Variants in MAGI1 observed in about 807,000 individuals in gnomAD.
MAGI1 encodes the protein membrane associated guanylate kinase, WW and PDZ domain containing 1.
In MAGI1, 58 loss-of-function variants were observed where a neutral mutation model predicts 139.9. The observed-to-expected ratio is 0.41, with a 90% CI of 0.34 to 0.52. The LOEUF is 0.52. Among genes scored for constraint, MAGI1 ranks in the 20% least tolerant of loss-of-function variants. MAGI1 has a pLI of 0.12. For missense variants in MAGI1, 1,874 were observed against 1,901.6 expected (o/e 0.99, Z 0.27); for synonymous variants, 812 against 737.9 (o/e 1.10, Z -1.63).
intron 1 of MAGI1, among the ~76,000 whole-genome samples, chr3:65,694,921 T>C (rs1029562185): frequency 6.6e-6 from 1 of 152,338 alleles, no homozygotes; most frequent in Admixed American, 6.5e-5. Context: ...TGAATTACTT[T>C]TTTTGTGTGT....
intron 12 of MAGI1, among the ~76,000 whole-genome samples, chr3:65,404,692 T>C (rs1945192378): frequency 6.6e-6 from 1 of 152,190 alleles, no homozygotes; most frequent in Non-Finnish European, 1.5e-5. Flanking sequence ...ACTATTCAGA[T>C]GGATTGAAAA....
intron 1 of MAGI1, among the ~76,000 whole-genome samples, chr3:66,023,881 C>T (rs1253850871): frequency 6.6e-6 from 1 of 152,122 alleles, no homozygotes; most frequent in African/African-American, 2.4e-5. Flanking sequence ...AGTTCTAAGA[C>T]CCGGCAGACC....
chr3:65,831,351 T>G (rs542513679), intron 1 of MAGI1, among the ~76,000 whole-genome samples: 1 of 152,348 alleles, frequency 6.6e-6, no homozygotes, highest in South Asian at 2.1e-4. Context: ...GTTACCTGGA[T>G]GTTTTGCATC....
intron 12 of MAGI1, among the ~76,000 whole-genome samples, chr3:65,420,414 A>G (rs182438902): frequency 6.6e-6 from 1 of 151,674 alleles, no homozygotes; most frequent in Admixed American, 6.6e-5. Context: ...ACACCTGTTC[A>G]CTTTACCTGC....
At chr3:66,037,927 G>A (rs1042523302) in intron 1 of MAGI1, 69 bp downstream of exon 1, 5 of 1,510,908 alleles carry the variant, frequency 3.3e-6, no homozygotes, top group Non-Finnish European at 4.4e-6. Flanking sequence ...AGGAAATCGA[G>A]AATAAGGGGC....
At chr3:65,865,987 T>C (rs2059711230) in intron 1 of MAGI1, among the ~76,000 whole-genome samples, 1 of 152,216 alleles carries the variant, frequency 6.6e-6, no homozygotes, top group Non-Finnish European at 1.5e-5. Flanking sequence ...TGACATGGAA[T>C]GATGTTCATA....
At chr3:65,768,618 C>T (rs560085306) in intron 1 of MAGI1, among the ~76,000 whole-genome samples, 2 of 152,144 alleles carry the variant, frequency 1.3e-5, no homozygotes, top group African/African-American at 4.8e-5. Context: ...GCAAGGCTCA[C>T]ATAATAACAG....
chr3:65,466,193 T>A (rs1950162144), intron 5 of MAGI1, among the ~76,000 whole-genome samples: 1 of 152,238 alleles, frequency 6.6e-6, no homozygotes, highest in Non-Finnish European at 1.5e-5. Flanking sequence ...GATGGCTGCG[T>A]TAAAATCTGT....
At chr3:65,629,775 C>T (rs2084183155) in intron 1 of MAGI1, among the ~76,000 whole-genome samples, 1 of 151,998 alleles carries the variant, frequency 6.6e-6, no homozygotes, top group African/African-American at 2.4e-5. Flanking sequence ...ATTGTAAAAG[C>T]AATATAAATC....
chr3:65,691,936 CCATT>C (rs1559791589), intron 1 of MAGI1, among the ~76,000 whole-genome samples: 1 of 151,966 alleles, frequency 6.6e-6, no homozygotes, highest in Non-Finnish European at 1.5e-5. Flanking sequence ...AACCAAATAG[CCATT>C]ATTAAATCAA....
chr3:65,979,093 C>CA (rs1008868460), intron 1 of MAGI1, among the ~76,000 whole-genome samples: 24 of 51,542 alleles, frequency 4.7e-4, no homozygotes, highest in Non-Finnish European at 7.9e-4. Context: ...TTTCTTCCCC[C>CA]CCCCCGCCAC....
chr3:65,527,022 G>T (rs536865557), intron 2 of MAGI1, among the ~76,000 whole-genome samples: 1 of 152,140 alleles, frequency 6.6e-6, no homozygotes, highest in Non-Finnish European at 1.5e-5. Context: ...CTCTAGAATG[G>T]TTATGATATT....
At chr3:66,007,937 C>A (rs1004393452) in intron 1 of MAGI1, among the ~76,000 whole-genome samples, 1 of 147,100 alleles carries the variant, frequency 6.8e-6, no homozygotes, top group Admixed American at 6.9e-5. Flanking sequence ...CACTCTGTCA[C>A]CCTGGTTGGA....
intron 1 of MAGI1, among the ~76,000 whole-genome samples, chr3:65,679,137 T>C (rs917075860): frequency 6.6e-5 from 10 of 152,116 alleles, no homozygotes; most frequent in African/African-American, 2.4e-4. Context: ...GTTTTCTGTT[T>C]ACCTGCCTAC....
At chr3:66,012,660 G>C (rs2067383857) in intron 1 of MAGI1, among the ~76,000 whole-genome samples, 1 of 151,898 alleles carries the variant, frequency 6.6e-6, no homozygotes, top group African/African-American at 2.4e-5. Context: ...CAGCTACTTG[G>C]GAGGCTGAGG....
intron 2 of MAGI1, among the ~76,000 whole-genome samples, chr3:65,522,942 C>T (rs771171341): frequency 5.9e-5 from 9 of 152,172 alleles, no homozygotes; most frequent in Non-Finnish European, 1.0e-4. Context: ...CACATCACTT[C>T]CTCCAGGAAC....
At chr3:65,508,855 T>C (rs1043265623) in intron 2 of MAGI1, among the ~76,000 whole-genome samples, 3 of 152,186 alleles carry the variant, frequency 2.0e-5, no homozygotes, top group African/African-American at 4.8e-5. Context: ...GTTCTCACTC[T>C]TGGGTTCCAT....
At chr3:65,920,551 T>C (rs2062126286) in intron 1 of MAGI1, among the ~76,000 whole-genome samples, 1 of 152,202 alleles carries the variant, frequency 6.6e-6, no homozygotes, top group African/African-American at 2.4e-5. Flanking sequence ...TTCACTCTCT[T>C]CTGGGACTTA....
chr3:65,390,564 C>G (rs1943841274), intron 14 of MAGI1, among the ~76,000 whole-genome samples: 1 of 152,080 alleles, frequency 6.6e-6, no homozygotes, highest in Non-Finnish European at 1.5e-5. Context: ...CAAGAAGTTA[C>G]AAAGTATACT....
Sources: gnomAD v4.1 joint callset for allele counts (sites outside exome capture counted in the v4.1 genomes callset) on GRCh38, gnomAD v4.1.1 for gene constraint, MANE v1.5 for transcripts, NCBI Gene and HGNC (gene_info 2026-07-23, HGNC 2026-07-21) for gene names.